Variants in LRMDA observed in about 807,000 individuals in gnomAD.
LRMDA encodes leucine-rich melanocyte differentiation-associated protein.
Under a neutral mutation model 29.8 loss-of-function variants are expected in LRMDA, and 18 were observed. The ratio of observed to expected loss-of-function variants is 0.60; its 90% confidence interval spans 0.42 to 0.90. The LOEUF (loss-of-function observed/expected upper bound fraction) is 0.90, where lower values mean the gene tolerates loss of function less well. LRMDA is among the 40% of genes least tolerant of loss of function. The pLI is 0.00. For synonymous variants in LRMDA, 125 were observed against 109.4 expected, an observed-to-expected ratio of 1.14 and a Z score of -0.89; for missense variants, 273 against 273.9, an observed-to-expected ratio of 1.00 and a Z score of 0.02.
intron 2 of LRMDA, among the ~76,000 whole-genome samples, chr10:75,967,629 G>C (rs898964878): frequency 3.3e-5 from 5 of 152,210 alleles, no homozygotes; most frequent in African/African-American, 1.2e-4. Flanking sequence ...TGGAGAGGGT[G>C]ATGAATCGGG....
At chr10:76,376,067 GA>G (rs372203079) in intron 6 of LRMDA, among the ~76,000 whole-genome samples, 41 of 152,082 alleles carry the variant, frequency 2.7e-4, no homozygotes, top group African/African-American at 9.6e-4. Flanking sequence ...GAATAGTGAT[GA>G]AGAGTGGGCT....
intron 2 of LRMDA, among the ~76,000 whole-genome samples, chr10:75,898,710 A>G (rs1589245842): frequency 6.6e-6 from 1 of 152,112 alleles, no homozygotes; most frequent in East Asian, 1.9e-4. Flanking sequence ...AAGATAAAAG[A>G]CTTTATGGGT....
intron 2 of LRMDA, among the ~76,000 whole-genome samples, chr10:75,656,994 G>A (rs73280820): frequency 0.038 from 5,793 of 152,228 alleles, 260 homozygotes; most frequent in African/African-American, 0.11. Context: ...GAGCCAGCCC[G>A]AGAGACAATA....
chr10:75,541,488 A>C (rs944765400), intron 2 of LRMDA, among the ~76,000 whole-genome samples: 1 of 150,416 alleles, frequency 6.6e-6, no homozygotes, highest in Non-Finnish European at 1.5e-5. Context: ...AGAAATTTAC[A>C]TGGAGAAAAT....
intron 5 of LRMDA, among the ~76,000 whole-genome samples, chr10:76,101,393 G>T (rs1338566765): frequency 6.6e-6 from 1 of 152,168 alleles, no homozygotes; most frequent in African/African-American, 2.4e-5. Context: ...TAGTATGGCA[G>T]AATTTGCTGA....
chr10:75,451,801 C>T (rs1308099451), intron 2 of LRMDA: 1 of 151,512 alleles, frequency 6.6e-6, no homozygotes, highest in African/African-American at 2.4e-5. Context: ...AATGCTGCAG[C>T]TAAGGCGAGG....
At chr10:75,666,027 A>G (rs1841817567) in intron 2 of LRMDA, among the ~76,000 whole-genome samples, 1 of 152,158 alleles carries the variant, frequency 6.6e-6, no homozygotes, top group Admixed American at 6.6e-5. Flanking sequence ...AGATTCAGTA[A>G]AATCTTTTCA....
At chr10:76,203,866 C>T (rs1851479968) in intron 5 of LRMDA, among the ~76,000 whole-genome samples, 1 of 144,050 alleles carries the variant, frequency 6.9e-6, no homozygotes, top group African/African-American at 2.6e-5. Context: ...TCCATGTTCC[C>T]ATCCACCCAT....
At chr10:76,056,062 A>G (rs949766644) in intron 4 of LRMDA, among the ~76,000 whole-genome samples, 4 of 152,218 alleles carry the variant, frequency 2.6e-5, no homozygotes, top group African/African-American at 9.6e-5. Flanking sequence ...TTGGAGGGTG[A>G]GCAAGGCAAA....
intron 5 of LRMDA, among the ~76,000 whole-genome samples, chr10:76,063,900 T>C (rs987172610): frequency 2.0e-5 from 3 of 152,140 alleles, no homozygotes; most frequent in Admixed American, 1.3e-4. Flanking sequence ...TGGCTTCTCA[T>C]TGGGATGAGG....
chr10:75,553,948 C>G (rs1840184176), intron 2 of LRMDA, among the ~76,000 whole-genome samples: 1 of 152,088 alleles, frequency 6.6e-6, no homozygotes, highest in Admixed American at 6.6e-5. Context: ...CTTGTTAGCC[C>G]ATATCCAACA....
chr10:75,550,322 C>G (rs1283294194), intron 2 of LRMDA, among the ~76,000 whole-genome samples: 1 of 152,036 alleles, frequency 6.6e-6, no homozygotes, highest in East Asian at 1.9e-4. Context: ...TGGTTTTTGT[C>G]TACTTCTTTC....
intron 2 of LRMDA, among the ~76,000 whole-genome samples, chr10:75,748,274 A>G (rs1168535380): frequency 6.6e-6 from 1 of 151,996 alleles, no homozygotes; most frequent in Non-Finnish European, 1.5e-5. Flanking sequence ...TTGTATTTTT[A>G]CTAGAGATGG....
chr10:76,492,508 A>C (rs1842843784), intron 6 of LRMDA, among the ~76,000 whole-genome samples: 1 of 151,750 alleles, frequency 6.6e-6, no homozygotes, highest in Admixed American at 6.6e-5. Flanking sequence ...CTAGGCAAAG[A>C]CTCTTGTTCT....
intron 2 of LRMDA, among the ~76,000 whole-genome samples, chr10:75,942,858 G>T (rs1260199353): frequency 6.6e-6 from 1 of 152,146 alleles, no homozygotes; most frequent in Non-Finnish European, 1.5e-5. Context: ...TATGTGTTCT[G>T]ATTGCGGTTT....
At chr10:76,427,214 T>TC (rs545802871) in intron 6 of LRMDA, among the ~76,000 whole-genome samples, 1 of 149,562 alleles carries the variant, frequency 6.7e-6, no homozygotes, top group African/African-American at 2.5e-5. Context: ...ATTTTCACAA[T>TC]TTTATTCTTC....
chr10:75,781,569 C>A (rs566860912), intron 2 of LRMDA, among the ~76,000 whole-genome samples: 6 of 152,002 alleles, frequency 3.9e-5, no homozygotes, highest in African/African-American at 1.5e-4. Flanking sequence ...TGCTTTAATG[C>A]GAACATTATC....
At chr10:76,264,460 C>G (rs1380678799) in intron 5 of LRMDA, among the ~76,000 whole-genome samples, 3 of 100,760 alleles carry the variant, frequency 3.0e-5, no homozygotes, top group Non-Finnish European at 6.3e-5. Flanking sequence ...AAAAAAAACA[C>G]GGAAGCAGAT....
At chr10:75,684,375 A>G (rs1187211399) in intron 2 of LRMDA, among the ~76,000 whole-genome samples, 5 of 152,160 alleles carry the variant, frequency 3.3e-5, no homozygotes, top group African/African-American at 1.2e-4. Context: ...TTTTCCCAAT[A>G]ACACCATCAA....
Sources: allele counts gnomAD v4.1 joint callset (sites outside exome capture counted in the v4.1 genomes callset), GRCh38; gene constraint gnomAD v4.1.1; transcripts MANE v1.5; gene names NCBI Gene and HGNC (gene_info 2026-07-23, HGNC 2026-07-21).